The following DNAH7 variants were observed in gnomAD, a reference collection of about 807,000 sequenced individuals.
DNAH7 encodes the protein axonemal beta dynein heavy chain 7.
Under a neutral mutation model 444.6 loss-of-function variants are expected in DNAH7, and 397 were observed. That is an observed-to-expected ratio of 0.89 (90% CI 0.82 to 0.97). The LOEUF is 0.97. Among genes scored for constraint, DNAH7 ranks in the 50% least tolerant of loss-of-function variants. The probability of loss-of-function intolerance (pLI) is 0.00; values close to 1 mark genes in which losing one functional copy is unlikely to be tolerated. For missense variants in DNAH7, 4,902 were observed against 4,800.8 expected, an observed-to-expected ratio of 1.02 and a Z score of -0.62; for synonymous variants, 1,636 against 1,624.4, an observed-to-expected ratio of 1.01 and a Z score of -0.17.
intron 46 of DNAH7, 61 bp from the exon 47 acceptor site, chr2:195,845,226 A>G: frequency 7.1e-7 from 1 of 1,408,124 alleles, no homozygotes; most frequent in Non-Finnish European, 9.7e-7. Flanking sequence ...AGCATGCTTT[A>G]TAATTCCTCA....
intron 40 of DNAH7, among the ~76,000 whole-genome samples, chr2:195,866,603 C>A (rs773302258): frequency 4.5e-4 from 69 of 152,316 alleles, no homozygotes; most frequent in Non-Finnish European, 9.3e-4. Context: ...GAACCTATAG[C>A]AGCATTTCTC....
intron 46 of DNAH7, among the ~76,000 whole-genome samples, chr2:195,850,572 G>C (rs943935187): frequency 6.6e-6 from 1 of 152,146 alleles, no homozygotes. Context: ...TATGAAAAGT[G>C]CCAGGAATCT....
chr2:196,064,398 C>T (rs1270342152), intron 1 of DNAH7, among the ~76,000 whole-genome samples: 1 of 151,470 alleles, frequency 6.6e-6, no homozygotes, highest in Admixed American at 6.6e-5. Flanking sequence ...TTCAATTGTG[C>T]TTTTCACTCC....
intron 48 of DNAH7, among the ~76,000 whole-genome samples, chr2:195,826,193 A>G (rs1468201793): frequency 6.6e-6 from 1 of 152,240 alleles, no homozygotes; most frequent in Non-Finnish European, 1.5e-5. Context: ...GTCAACAGTT[A>G]TTAACATTTT....
At chr2:195,951,516 ATCTG>A (rs1690256592) in intron 19 of DNAH7, among the ~76,000 whole-genome samples, 2 of 152,008 alleles carry the variant, frequency 1.3e-5, no homozygotes, top group South Asian at 4.1e-4. Context: ...TGTCTCGTTG[ATCTG>A]TCTAATACTG....
chr2:195,842,299 T>C (rs1574539427), intron 47 of DNAH7, among the ~76,000 whole-genome samples: 1 of 152,188 alleles, frequency 6.6e-6, no homozygotes, highest in South Asian at 2.1e-4. Flanking sequence ...TTAATTATAT[T>C]CTAACTTGCC....
chr2:195,977,633 C>T (rs772715499), intron 15 of DNAH7, among the ~76,000 whole-genome samples: 26 of 151,842 alleles, frequency 1.7e-4, no homozygotes, highest in Middle Eastern at 3.2e-3. Flanking sequence ...ATCAATATTT[C>T]GGTACAAGAA....
intron 45 of DNAH7, 112 bp from the exon 46 acceptor site, chr2:195,853,640 T>G: frequency 9.3e-7 from 1 of 1,080,720 alleles, no homozygotes; most frequent in Non-Finnish European, 1.3e-6. Context: ...GACTTCTGCC[T>G]GGGATTTCCT....
intron 60 of DNAH7, among the ~76,000 whole-genome samples, 198 bp downstream of exon 60, chr2:195,775,648 G>GAA (rs35237602): frequency 1.6e-4 from 22 of 136,984 alleles, no homozygotes; most frequent in Admixed American, 7.3e-5. Context: ...AAAGATAGAT[G>GAA]AAAAAAAAAA....
At position 195,895,311 on chromosome 2, in the gene DNAH7, A is replaced by G. The variant is rs987400891; in HGVS notation, c.4648-87T>C. 6.1e-6 allele frequency: 5 copies of G among 820,268 alleles called. No homozygotes were observed. In the African/African-American group the frequency reaches 8.8e-5, roughly 14 times the overall value. 50.8% of individuals were successfully genotyped at this position (820,268 alleles called of 1,614,324 possible). On this transcript the variant is annotated intron_variant, in intron 29 of 64. Coordinates refer to ENST00000312428, the MANE Select transcript of DNAH7 (RefSeq NM_018897.3). ...GTATTGATGGAAATAGGGCCATTAG[A>G]TAATAATAGTTCAACAATATTTTTA...
In DNAH7 at chr2:195,987,808, C is replaced by T; in HGVS notation, c.1626+149G>A. The T allele has an allele frequency of 3.9e-6, 3 of 776,062 alleles. No homozygotes were observed. In the South Asian group the frequency reaches 7.0e-5, roughly 18 times the overall value. 48.1% of individuals were successfully genotyped at this position (776,062 alleles called of 1,614,324 possible). On this transcript the variant is annotated intron_variant, in intron 13 of 64. Transcript: ENST00000312428. The stretch of plus-strand genomic sequence containing the variant: ...AGATTCTTATACTCAGGGCTTACCA[C>T]AATGCTAGGGACACATCAGAAGCTC...
Position 195,809,750 on chromosome 2 carries a change from G to T in DNAH7, c.9883C>A (p.Arg3295=). The T allele has an allele frequency of 6.3e-7, 1 of 1,580,538 alleles. No individual in the cohort carries two copies. Residue 3295 remains arginine (R), a synonymous_variant, in exon 52 of 65, where the codon CGG becomes AGG. Transcript: ENST00000312428. The part of the protein sequence containing the change: ...CLTINLLLHE[R]AINKAEWRFL... ...CAAATGAAAACAGTACTGACCGCCC[G>T]CTCATGCAGCAGTAGATTTATGGTT... is the stretch of plus-strand genomic sequence containing the variant.
At chr2:195,910,895 GAAA>G (rs1687320799) in intron 24 of DNAH7, among the ~76,000 whole-genome samples, 1 of 152,048 alleles carries the variant, frequency 6.6e-6, no homozygotes, top group African/African-American at 2.4e-5. Context: ...TTTGTGCAGG[GAAA>G]AAGAGGTCCA....
At chr2:195,885,735 T>C (rs549368632) in intron 34 of DNAH7, among the ~76,000 whole-genome samples, 6 of 152,002 alleles carry the variant, frequency 3.9e-5, no homozygotes, top group Non-Finnish European at 5.9e-5. Context: ...CACACACACA[T>C]ACAAATAATT....
intron 1 of DNAH7, among the ~76,000 whole-genome samples, chr2:196,067,467 G>GT (rs1553616897): frequency 2.0e-3 from 33 of 16,316 alleles, no homozygotes; most frequent in Non-Finnish European, 2.3e-3. Flanking sequence ...TGAACTTTTT[G>GT]TTTTTTGCTT....
chr2:195,765,682 A>T (rs1403309686), intron 61 of DNAH7, among the ~76,000 whole-genome samples: 1 of 152,206 alleles, frequency 6.6e-6, no homozygotes, highest in Non-Finnish European at 1.5e-5. Context: ...ATAAGATATC[A>T]TCTCGCCCTA....
At chr2:195,739,057 T>C (rs1692827823) in intron 64 of DNAH7, among the ~76,000 whole-genome samples, 1 of 152,208 alleles carries the variant, frequency 6.6e-6, no homozygotes, top group South Asian at 2.1e-4. Flanking sequence ...CCCCAGGGGA[T>C]TTTTCTAATG....
intron 27 of DNAH7, chr2:195,901,705 C>G (rs1379043584): frequency 6.6e-6 from 1 of 151,992 alleles, no homozygotes; most frequent in Non-Finnish European, 1.5e-5. Context: ...ACAAATTATC[C>G]ATTTTGAGAT....
intron 21 of DNAH7, among the ~76,000 whole-genome samples, chr2:195,927,125 T>C (rs1379003077): frequency 1.3e-5 from 2 of 152,090 alleles, no homozygotes; most frequent in Admixed American, 6.6e-5. Context: ...GATTCATTCA[T>C]GGAGAGTTGA....
Sources: gnomAD v4.1 joint callset for allele counts (sites outside exome capture counted in the v4.1 genomes callset) on GRCh38, gnomAD v4.1.1 for gene constraint, MANE v1.5 for transcripts, NCBI Gene and HGNC (gene_info 2026-07-23, HGNC 2026-07-21) for gene names.